KCND3: variants seen among roughly 807,000 people sequenced by gnomAD.
KCND3 encodes potassium voltage-gated channel subfamily D member 3.
KCND3 carries 9 observed loss-of-function variants against 51.1 expected under a neutral mutation model. The ratio of observed to expected loss-of-function variants is 0.18; its 90% CI spans 0.11 to 0.31. The LOEUF is 0.31. Among genes scored for constraint, KCND3 ranks in the 10% least tolerant of loss-of-function variants. The pLI is 1.00. For synonymous variants in KCND3, 349 were observed against 368.0 expected, an observed-to-expected ratio of 0.95 and a Z score of 0.59; for missense variants, 526 against 903.8, an observed-to-expected ratio of 0.58 and a Z score of 5.36.
At chr1:111,870,917 C>A (rs143654921) in intron 2 of KCND3, among the ~76,000 whole-genome samples, 2 of 152,206 alleles carry the variant, frequency 1.3e-5, no homozygotes, top group East Asian at 3.9e-4. Context: ...AGGGATATAA[C>A]GGGAATATAA....
intron 2 of KCND3, among the ~76,000 whole-genome samples, chr1:111,903,897 C>T (rs745780746): frequency 1.3e-5 from 2 of 152,154 alleles, no homozygotes; most frequent in Non-Finnish European, 2.9e-5. Context: ...GATCCTTTTT[C>T]CTGGTCTTTC....
At chr1:111,899,744 GGC>G (rs1274142576) in intron 2 of KCND3, among the ~76,000 whole-genome samples, 2 of 152,208 alleles carry the variant, frequency 1.3e-5, no homozygotes, top group Non-Finnish European at 2.9e-5. Flanking sequence ...TGCAAAGGAA[GGC>G]AGGGAACAGA....
At chr1:111,883,670 T>A (rs1306611367) in intron 2 of KCND3, among the ~76,000 whole-genome samples, 1 of 152,226 alleles carries the variant, frequency 6.6e-6, no homozygotes, top group Non-Finnish European at 1.5e-5. Context: ...GGTCTCCTGA[T>A]GGCCCCAAAT....
At chr1:111,956,545 C>T (rs1196230152) in intron 2 of KCND3, among the ~76,000 whole-genome samples, 2 of 152,170 alleles carry the variant, frequency 1.3e-5, no homozygotes, top group Non-Finnish European at 1.5e-5. Context: ...GGGAGCCTCT[C>T]CAAGCCGGGC....
chr1:111,931,206 A>G (rs955775055), intron 2 of KCND3, among the ~76,000 whole-genome samples: 1 of 152,262 alleles, frequency 6.6e-6, no homozygotes, highest in African/African-American at 2.4e-5. Context: ...CTGGCTATCT[A>G]CAAGAGGTAG....
chr1:111,771,654 C>T lies in KCND3; in HGVS notation c.*4423G>A, dbSNP rs1211280678. ...TTGTCTACAATCTAATAAGTGATAT[C>T]CTGAACTGTAGGAATCATATTTTGA... On this transcript the variant is annotated 3_prime_UTR_variant, in exon 8 of 8. Transcript: ENST00000302127. 1 of 152,094 alleles carries T rather than the reference C, an allele frequency of 6.6e-6. No homozygotes were observed. Among genetic ancestry groups the T allele is most frequent in the Admixed American group, 6.6e-5 (1 of 15,266 alleles). The allele number at this position is 152,094 out of a possible 1,614,324, so 9.4% of individuals were successfully genotyped here.
At chr1:111,840,178 T>C (rs867624663) in intron 2 of KCND3, among the ~76,000 whole-genome samples, 1 of 152,206 alleles carries the variant, frequency 6.6e-6, no homozygotes, top group South Asian at 2.1e-4. Context: ...TCTGCAGTTA[T>C]GACCTAATCA....
At chr1:111,937,131 G>C (rs370780093) in intron 2 of KCND3, among the ~76,000 whole-genome samples, 1 of 152,154 alleles carries the variant, frequency 6.6e-6, no homozygotes, top group East Asian at 1.9e-4. Context: ...GTCCCAAGCT[G>C]GGCTGACATC....
rs1469427597 is a variant in KCND3, at chr1:111,875,540, AG to A, written c.1107-88435del. On this transcript the variant is annotated intron_variant, in intron 2 of 7. Coordinates refer to ENST00000302127, the MANE Select transcript of KCND3 (RefSeq NM_001378969.1). ...GAAAGTTCAGAAAGCTGGGTCCCCA[AG>A]GGGACCCTGAGGATCAGGGAGAATT... 5.9e-5 allele frequency among the ~76,000 whole-genome samples: 9 copies of A among 152,354 alleles called. No homozygotes were observed. The East Asian group carries it at 1.7e-3, about 29-fold the overall frequency.
chr1:111,790,432 T>C (rs1012071363), intron 2 of KCND3, among the ~76,000 whole-genome samples: 3 of 152,238 alleles, frequency 2.0e-5, no homozygotes, highest in African/African-American at 4.8e-5. Flanking sequence ...CCCATGATGA[T>C]GTAAACTGTC....
intron 2 of KCND3, among the ~76,000 whole-genome samples, chr1:111,887,355 C>T (rs1032639538): frequency 2.6e-5 from 4 of 152,154 alleles, no homozygotes; most frequent in African/African-American, 9.6e-5. Context: ...GAAGTTTCTC[C>T]AGAGACAGAA....
At chr1:111,855,036 C>T (rs1667999707) in intron 2 of KCND3, among the ~76,000 whole-genome samples, 1 of 152,302 alleles carries the variant, frequency 6.6e-6, no homozygotes, top group South Asian at 2.1e-4. Context: ...CGCTTAAGGG[C>T]TCACCTGACT....
chr1:111,945,936 C>A (rs1350406634), intron 2 of KCND3, among the ~76,000 whole-genome samples: 2 of 152,200 alleles, frequency 1.3e-5, no homozygotes. Flanking sequence ...CCTGGCTCCA[C>A]CGTGTCACTT....
chr1:111,837,603 A>C (rs1553245257), intron 2 of KCND3, among the ~76,000 whole-genome samples: 1 of 152,174 alleles, frequency 6.6e-6, no homozygotes, highest in Non-Finnish European at 1.5e-5. Flanking sequence ...TGGTCTAGGC[A>C]GTACAGAGTC....
At chr1:111,782,846 C>T (rs959052042) in intron 3 of KCND3, among the ~76,000 whole-genome samples, 1 of 152,162 alleles carries the variant, frequency 6.6e-6, no homozygotes, top group South Asian at 2.1e-4. Context: ...TCTCTTCCCA[C>T]ACAGGACAAA....
chr1:111,787,769 A>G (rs558464011), intron 2 of KCND3, among the ~76,000 whole-genome samples: 1 of 152,362 alleles, frequency 6.6e-6, no homozygotes, highest in Admixed American at 6.5e-5. Flanking sequence ...CTATTCATGT[A>G]GATTTATAAT....
intron 2 of KCND3, among the ~76,000 whole-genome samples, chr1:111,903,834 C>G (rs1670508499): frequency 6.6e-6 from 1 of 152,192 alleles, no homozygotes. Flanking sequence ...CCTTAGGTCT[C>G]TCTTTCATGC....
At position 111,901,653 on chromosome 1, in the gene KCND3, C is replaced by T. The variant is rs188848278; in HGVS notation, c.1106+79968G>A. 9.1e-4 allele frequency among the ~76,000 whole-genome samples: 138 copies of T among 152,286 alleles called. 1 individual carries two copies. Among genetic ancestry groups the T allele is most frequent in the African/African-American group, 3.2e-3 (132 of 41,566 alleles). On this transcript the variant is annotated intron_variant, in intron 2 of 7. Transcript: ENST00000302127. Reference sequence around the variant, plus strand: ...GAGCCCAGAGCGCCACCTCTGTAGGCGGTGGGGAGGCTCATTCCCAGTACT... The same window carrying T: ...GAGCCCAGAGCGCCACCTCTGTAGGTGGTGGGGAGGCTCATTCCCAGTACT...
At chr1:111,919,738 G>A (rs892284439) in intron 2 of KCND3, among the ~76,000 whole-genome samples, 3 of 152,128 alleles carry the variant, frequency 2.0e-5, no homozygotes, top group South Asian at 2.1e-4. Flanking sequence ...AGTCAAACCC[G>A]TGCTGGAGTC....
Sources: gnomAD v4.1 joint callset for allele counts (sites outside exome capture counted in the v4.1 genomes callset) on GRCh38, gnomAD v4.1.1 for gene constraint, MANE v1.5 for transcripts, NCBI Gene and HGNC (gene_info 2026-07-23, HGNC 2026-07-21) for gene names.